Variants in GRIK3 observed in about 807,000 individuals in gnomAD.
The protein encoded by GRIK3 is glutamate ionotropic receptor kainate type subunit 3.
In GRIK3, 29 loss-of-function variants were observed where a neutral mutation model predicts 102.5. The ratio of observed to expected loss-of-function variants is 0.28; its 90% confidence interval spans 0.21 to 0.39. GRIK3 has a LOEUF of 0.39. Among genes scored for constraint, GRIK3 ranks in the 10% least tolerant of loss-of-function variants. The probability of loss-of-function intolerance (pLI) is 1.00; values close to 1 mark genes in which losing one functional copy is unlikely to be tolerated. For missense variants in GRIK3, 908 were observed against 1,252.4 expected, an observed-to-expected ratio of 0.73 and a Z score of 4.15; for synonymous variants, 511 against 504.9, an observed-to-expected ratio of 1.01 and a Z score of -0.16.
At chr1:36,828,398 A>G in intron 10 of GRIK3, among the ~76,000 whole-genome samples, 1 of 152,154 alleles carries the variant, frequency 6.6e-6, no homozygotes, top group East Asian at 1.9e-4. Context: ...GTGGTCCCAT[A>G]AGATTATAAT....
chr1:36,860,625 C>G (rs766642066), intron 5 of GRIK3, among the ~76,000 whole-genome samples: 13 of 152,180 alleles, frequency 8.5e-5, no homozygotes, highest in Non-Finnish European at 1.9e-4. Flanking sequence ...TCCAGGAGAA[C>G]AGGGTCTCAA....
rs544966799 is a variant in GRIK3, at chr1:36,899,070, A to C, written c.116-7974T>G. On this transcript the variant is annotated intron_variant, in intron 1 of 15. Coordinates refer to ENST00000373091, the MANE Select transcript of GRIK3 (RefSeq NM_000831.4). ...AGACTTAAATGTAAGACCTAAAACT[A>C]TACAACTCTTAGAAGAAAACATAGA... Among the ~76,000 whole-genome samples the C allele has an allele frequency of 1.6e-4, 25 of 152,322 alleles. 1 individual carries two copies. The South Asian group carries it at 4.6e-3, about 28-fold the overall frequency.
intron 1 of GRIK3, among the ~76,000 whole-genome samples, chr1:37,031,570 C>T (rs1230047078): frequency 1.3e-5 from 2 of 152,226 alleles, no homozygotes; most frequent in South Asian, 2.1e-4. Context: ...TGGTGCTCGG[C>T]GATGCCTGGC....
chr1:37,025,879 A>T (rs1205063133), intron 1 of GRIK3, among the ~76,000 whole-genome samples: 1 of 152,152 alleles, frequency 6.6e-6, no homozygotes, highest in African/African-American at 2.4e-5. Context: ...GCACCAAAGA[A>T]TTTGGAGTTG....
intron 9 of GRIK3, 29 bp from the exon 10 acceptor site, chr1:36,841,968 G>A (rs772626267): frequency 1.1e-5 from 18 of 1,581,384 alleles, no homozygotes; most frequent in Middle Eastern, 1.7e-4. Flanking sequence ...AGGGTGTGAC[G>A]AAGACTGAGC....
At chr1:36,992,875 C>A (rs1318170349) in intron 1 of GRIK3, among the ~76,000 whole-genome samples, 1 of 152,194 alleles carries the variant, frequency 6.6e-6, no homozygotes, top group Non-Finnish European at 1.5e-5. Flanking sequence ...AGGATTGGAA[C>A]TGGACAGTCT....
At position 37,032,424 on chromosome 1, in the gene GRIK3, C is replaced by T. The variant is rs144786466; in HGVS notation, c.115+1570G>A. 4.7e-3 allele frequency among the ~76,000 whole-genome samples: 709 copies of T among 151,978 alleles called. 6 individuals are homozygous for T. The highest frequency in any genetic ancestry group is 0.017 in the African/African-American group (684 of 41,442). On this transcript the variant is annotated intron_variant, in intron 1 of 15. Transcript: ENST00000373091. The stretch of plus-strand genomic sequence containing the variant: ...CTTTTTCCCCAAGGACACCCTACGA[C>T]GCAGGCCCCCAAAAAAGCAGAGGGA...
At chr1:37,025,884 G>A (rs1642760548) in intron 1 of GRIK3, among the ~76,000 whole-genome samples, 1 of 152,148 alleles carries the variant, frequency 6.6e-6, no homozygotes, top group Admixed American at 6.5e-5. Context: ...AAAGAATTTG[G>A]AGTTGAAACC....
At chr1:36,881,707 A>C (rs957564445) in intron 2 of GRIK3, among the ~76,000 whole-genome samples, 1 of 152,140 alleles carries the variant, frequency 6.6e-6, no homozygotes, top group Non-Finnish European at 1.5e-5. Context: ...CCAGGGTGAG[A>C]CTTCCACAGT....
Position 36,819,658 on chromosome 1 carries a change from C to T in GRIK3, c.1873+78G>A. On this transcript the variant is annotated intron_variant, in intron 12 of 15. Transcript: ENST00000373091. The surrounding 1 kb of genome is among the most constrained non-coding windows in gnomAD (Gnocchi z 4.1). Reference sequence around the variant, plus strand: ...CTACCCCTAGAGGTGTGGGCTGGCTCTGCTGATGCCAAAGAGGCTGAAGAC... The same window carrying T: ...CTACCCCTAGAGGTGTGGGCTGGCTTTGCTGATGCCAAAGAGGCTGAAGAC... The T allele has an allele frequency of 1.5e-5, 12 of 792,670 alleles. No homozygotes were observed. The South Asian group carries it at 1.7e-4, about 11-fold the overall frequency. 49.1% of individuals were successfully genotyped at this position (792,670 alleles called of 1,614,324 possible).
intron 5 of GRIK3, among the ~76,000 whole-genome samples, chr1:36,868,079 C>T (rs1284879040): frequency 1.3e-5 from 2 of 152,136 alleles, no homozygotes; most frequent in East Asian, 1.9e-4. Context: ...CCTAGTGTCC[C>T]CGGGTCCAGG....
chr1:36,828,627 T>C lies in GRIK3; in HGVS notation c.1531-2801A>G, dbSNP rs563740439. The stretch of plus-strand genomic sequence containing the variant: ...AAATGCCTAATGACATTTCTCAGAA[T>C]GTATTCCTGTTGTTAAGTGACACTT... On this transcript the variant is annotated intron_variant, in intron 10 of 15. Coordinates refer to ENST00000373091, the MANE Select transcript of GRIK3 (RefSeq NM_000831.4). Among the ~76,000 whole-genome samples the C allele has an allele frequency of 2.0e-5, 3 of 152,320 alleles. No homozygotes were observed. In the East Asian group the frequency reaches 5.8e-4, roughly 29 times the overall value.
intron 1 of GRIK3, among the ~76,000 whole-genome samples, chr1:36,980,278 G>T (rs907694201): frequency 1.3e-5 from 2 of 151,992 alleles, no homozygotes. Flanking sequence ...TCTACAGAGC[G>T]CCGTGTGATC....
At chr1:36,985,889 G>A (rs960219693) in intron 1 of GRIK3, among the ~76,000 whole-genome samples, 2 of 152,158 alleles carry the variant, frequency 1.3e-5, no homozygotes, top group African/African-American at 4.8e-5. Flanking sequence ...GTAGGACCCA[G>A]CAATGAAGGG....
chr1:36,978,541 T>A lies in GRIK3; in HGVS notation c.115+55453A>T, dbSNP rs76028828. 7.9e-5 allele frequency among the ~76,000 whole-genome samples: 12 copies of A among 152,318 alleles called. No homozygotes were observed. The East Asian group carries it at 2.3e-3, about 29-fold the overall frequency. The stretch of plus-strand genomic sequence containing the variant: ...TTGCTATTGCTCAGGAGTCTATGGA[T>A]CAACTAGATTAATCTACTGATCTGG... On this transcript the variant is annotated intron_variant, in intron 1 of 15. Transcript: ENST00000373091.
intron 1 of GRIK3, among the ~76,000 whole-genome samples, chr1:36,904,074 G>T (rs1457919320): frequency 1.3e-5 from 2 of 152,112 alleles, no homozygotes; most frequent in East Asian, 1.9e-4. Context: ...TGGGCAGGGG[G>T]TATATGGGAA....
At position 36,806,145 on chromosome 1, in the gene GRIK3, C is replaced by A. The variant is rs777494230; in HGVS notation, c.2273G>T (p.Gly758Val). 6.2e-7 allele frequency: 1 copy of A among 1,614,002 alleles called. No homozygotes were observed. The highest frequency in any genetic ancestry group is 8.5e-7 in the Non-Finnish European group (1 of 1,179,950). Reference sequence around the variant, plus strand: ...GCCGTAGCCCTTGGAGTCAATGAGGCCCCCGATCTGGGTGAGGTTGCAGTT... The same window carrying A: ...GCCGTAGCCCTTGGAGTCAATGAGGACCCCGATCTGGGTGAGGTTGCAGTT... ...QRNCNLTQIG[G>V]LIDSKGYGIG... Residue 758 changes from glycine to valine, a missense_variant, in exon 14 of 16, where the codon GGC (glycine) becomes GTC (valine). Physicochemically the swap from Gly to Val is moderately radical, Grantham distance 109 (BLOSUM62 -3). Coordinates refer to ENST00000373091, the MANE Select transcript of GRIK3 (RefSeq NM_000831.4). The surrounding 1 kb of genome is among the most constrained non-coding windows in gnomAD (Gnocchi z 4.0).
intron 1 of GRIK3, among the ~76,000 whole-genome samples, chr1:36,963,137 G>A (rs570534955): frequency 6.6e-6 from 1 of 152,230 alleles, no homozygotes; most frequent in South Asian, 2.1e-4. Flanking sequence ...GGAGGGGTCG[G>A]CTGCATGCCC....
At chr1:36,808,951 G>A (rs1642529548) in intron 13 of GRIK3, among the ~76,000 whole-genome samples, 1 of 152,094 alleles carries the variant, frequency 6.6e-6, no homozygotes, top group African/African-American at 2.4e-5. Context: ...ACGTGTTCCT[G>A]ATACTCTACC....
Sources: allele counts gnomAD v4.1 joint callset (sites outside exome capture counted in the v4.1 genomes callset), GRCh38; gene constraint gnomAD v4.1.1; non-coding constraint Gnocchi (gnomAD v3.1); transcripts MANE v1.5; gene names NCBI Gene and HGNC (gene_info 2026-07-23, HGNC 2026-07-21).